COL4A2: variants seen among roughly 807,000 people sequenced by gnomAD.
COL4A2 encodes collagen type IV alpha 2 chain, also known as collagen alpha-2(IV) chain.
COL4A2 carries 99 observed loss-of-function variants against 200.2 expected under a neutral mutation model. The observed-to-expected ratio is 0.49, with a 90% CI of 0.42 to 0.58. The LOEUF is 0.58. Ranked by LOEUF, COL4A2 falls within the 20% of genes least tolerant of loss-of-function variation. The pLI, the probability that COL4A2 is intolerant of heterozygous loss-of-function variation, is 0.00. For missense variants in COL4A2, 1,950 were observed against 2,314.1 expected (o/e 0.84, Z 3.23); for synonymous variants, 897 against 900.6 (o/e 1.00, Z 0.07).
chr13:110,415,396 G>C (rs561364659), intron 4 of COL4A2, among the ~76,000 whole-genome samples: 2 of 152,174 alleles, frequency 1.3e-5, no homozygotes, highest in Non-Finnish European at 2.9e-5. Context: ...CAAGCATTTT[G>C]TAACAACAGA....
At chr13:110,505,094 T>C (rs1883797292) in intron 45 of COL4A2, among the ~76,000 whole-genome samples, 1 of 151,394 alleles carries the variant, frequency 6.6e-6, no homozygotes, top group Non-Finnish European at 1.5e-5. Flanking sequence ...CTCACGCCTG[T>C]AATCCCAGCA....
chr13:110,431,044 T>C (rs1271348356), intron 10 of COL4A2, among the ~76,000 whole-genome samples: 1 of 152,154 alleles, frequency 6.6e-6, no homozygotes, highest in Non-Finnish European at 1.5e-5. Context: ...GGCCACTGTT[T>C]AACACAATGG....
intron 25 of COL4A2, 51 bp downstream of exon 25, chr13:110,465,657 C>A: frequency 6.8e-7 from 1 of 1,473,564 alleles, no homozygotes; most frequent in Non-Finnish European, 9.2e-7. Context: ...ACATTCCACG[C>A]TTTCCTTTGT....
chr13:110,497,055 T>C (rs558764648), intron 40 of COL4A2, among the ~76,000 whole-genome samples: 1 of 131,526 alleles, frequency 7.6e-6, no homozygotes, highest in African/African-American at 3.0e-5. Flanking sequence ...CAGCACAAGC[T>C]CCACTGAGGA....
intron 17 of COL4A2, 48 bp downstream of exon 17, chr13:110,445,930 C>CT: frequency 5.0e-6 from 8 of 1,607,354 alleles, no homozygotes; most frequent in Non-Finnish European, 6.8e-6. Context: ...CTCGCCCACC[C>CT]TGGCTGGCCT....
At chr13:110,345,278 T>C (rs537176836) in intron 3 of COL4A2, among the ~76,000 whole-genome samples, 10 of 152,344 alleles carry the variant, frequency 6.6e-5, no homozygotes, top group African/African-American at 2.2e-4. Context: ...TCATACTCAA[T>C]GCATTGAAAA....
chr13:110,330,122 T>C (rs1875838271), intron 3 of COL4A2, among the ~76,000 whole-genome samples: 1 of 152,208 alleles, frequency 6.6e-6, no homozygotes, highest in Non-Finnish European at 1.5e-5. Context: ...GTTTTACCAT[T>C]AAGGACTCAA....
At chr13:110,456,527 C>A (rs7996702) in intron 20 of COL4A2, 193,432 of 351,656 alleles carry the variant, frequency 0.55, 55,154 homozygotes, top group Middle Eastern at 0.66. Flanking sequence ...TAATTGTTAT[C>A]CCTATAGTTT....
chr13:110,421,245 A>T (rs191207170), intron 4 of COL4A2, among the ~76,000 whole-genome samples: 756 of 152,278 alleles, frequency 5.0e-3, no homozygotes, highest in Non-Finnish European at 8.0e-3. Context: ...TAGCAATTCC[A>T]CTCCTAGGAA....
chr13:110,468,185 C>T (rs899387997), intron 27 of COL4A2: 8 of 471,168 alleles, frequency 1.7e-5, no homozygotes, highest in East Asian at 6.9e-5. Flanking sequence ...CGGAGTGCAC[C>T]GTGATCACAG....
chr13:110,326,149 A>G (rs961291139), intron 3 of COL4A2, among the ~76,000 whole-genome samples: 2 of 152,186 alleles, frequency 1.3e-5, no homozygotes, highest in Admixed American at 1.3e-4. Flanking sequence ...CCCAGGGGTG[A>G]GGAGCTTCCA....
intron 29 of COL4A2, among the ~76,000 whole-genome samples, chr13:110,476,148 A>G (rs1366116171): frequency 1.3e-5 from 2 of 152,098 alleles, no homozygotes; most frequent in Non-Finnish European, 2.9e-5. Flanking sequence ...TGGGTTATGA[A>G]TGTCACCTGG....
chr13:110,507,995 G>T lies in COL4A2; in HGVS notation c.4655G>T (p.Gly1552Val), dbSNP rs770012202. ...STMPFLYCNPGDVCYYASRND... is the reference protein window; with the variant it reads ...STMPFLYCNPVDVCYYASRND... ...ATGCCCTTCCTGTACTGCAACCCTG[G>T]TGATGTCTGCTACTATGCCAGCCGG... The change falls in exon 47 of 48, where the codon GGT becomes GTT. Residue 1552 changes from glycine to valine, a missense_variant. This residue lies in a region of COL4A2 where 1,385 missense variants were observed against 1,720.5 expected (regional missense o/e 0.80). Transcript: ENST00000360467. 7 of 1,614,210 alleles carry T rather than the reference G, an allele frequency of 4.3e-6. No individual in the cohort carries two copies. The highest frequency in any genetic ancestry group is 5.9e-6 in the Non-Finnish European group (7 of 1,180,052).
intron 28 of COL4A2, among the ~76,000 whole-genome samples, chr13:110,471,977 T>C (rs1406848376): frequency 6.6e-6 from 1 of 152,162 alleles, no homozygotes; most frequent in East Asian, 1.9e-4. Context: ...GAGTTCATTC[T>C]GAGGCCATGT....
intron 29 of COL4A2, among the ~76,000 whole-genome samples, chr13:110,474,600 G>A (rs12864869): frequency 6.6e-6 from 1 of 152,286 alleles, no homozygotes; most frequent in African/African-American, 2.4e-5. Flanking sequence ...GCACATGCAT[G>A]CTCACACATG....
At chr13:110,486,179 C>G (rs1235997638) in intron 34 of COL4A2, among the ~76,000 whole-genome samples, 1 of 152,194 alleles carries the variant, frequency 6.6e-6, no homozygotes, top group Admixed American at 6.5e-5. Flanking sequence ...GGCCTGAGAG[C>G]CCATGGCCGA....
At chr13:110,475,645 A>G (rs541129659) in intron 29 of COL4A2, among the ~76,000 whole-genome samples, 73 of 152,358 alleles carry the variant, frequency 4.8e-4, no homozygotes, top group Middle Eastern at 6.8e-3. Context: ...CAAAGCATCA[A>G]CATTCCAAGT....
intron 3 of COL4A2, among the ~76,000 whole-genome samples, chr13:110,349,766 C>CTT (rs200067934): frequency 1.4e-5 from 2 of 145,922 alleles, no homozygotes; most frequent in South Asian, 2.2e-4. Flanking sequence ...TTCATATCTT[C>CTT]TTTTTTTTTT....
chr13:110,409,352 G>A (rs1879740979), intron 4 of COL4A2, among the ~76,000 whole-genome samples: 1 of 152,204 alleles, frequency 6.6e-6, no homozygotes, highest in African/African-American at 2.4e-5. Context: ...AAGAAAGCAA[G>A]AATGTACCGT....
Sources: allele counts gnomAD v4.1 joint callset (sites outside exome capture counted in the v4.1 genomes callset), GRCh38; gene constraint gnomAD v4.1.1; regional missense constraint gnomAD v4.1.1; transcripts MANE v1.5; gene names NCBI Gene and HGNC (gene_info 2026-07-23, HGNC 2026-07-21).